MMP26: variants seen among roughly 807,000 people sequenced by gnomAD.
MMP26 encodes matrix metalloproteinase-26.
In MMP26, 33 loss-of-function variants were observed where a neutral mutation model predicts 31.0. The observed-to-expected ratio is 1.06, with a 90% CI of 0.81 to 1.42. The LOEUF (loss-of-function observed/expected upper bound fraction) is 1.42. Ranked by LOEUF, MMP26 falls within the 40% of genes most tolerant of loss-of-function variation. The pLI is 0.00. For synonymous variants in MMP26, 122 were observed against 114.9 expected, an observed-to-expected ratio of 1.06 and a Z score of -0.40; for missense variants, 347 against 316.1, an observed-to-expected ratio of 1.10 and a Z score of -0.74.
intron 2 of MMP26, among the ~76,000 whole-genome samples, chr11:4,892,911 G>T (rs978205867): frequency 6.6e-6 from 1 of 151,968 alleles, no homozygotes; most frequent in Admixed American, 6.6e-5. Context: ...TAATACATTA[G>T]GATTAATTCC....
At chr11:4,798,938 T>A (rs192799138) in intron 2 of MMP26, among the ~76,000 whole-genome samples, 2 of 152,206 alleles carry the variant, frequency 1.3e-5, no homozygotes, top group South Asian at 4.1e-4. Context: ...AGTTTGGTTC[T>A]AAGTCATGTT....
At chr11:4,845,464 C>T (rs1323508465) in intron 2 of MMP26, among the ~76,000 whole-genome samples, 1 of 151,918 alleles carries the variant, frequency 6.6e-6, no homozygotes, top group Non-Finnish European at 1.5e-5. Flanking sequence ...TAAGTGAAAA[C>T]TACTACAGAA....
rs879830295 is a variant in MMP26, at chr11:4,891,852, A to T, written c.-144-96216A>T. ...AGCAAGATTGGAGACATAGTATGTC[A>T]CAGATGAAGTGGGTTGGTACTGCCT... On this transcript the variant is annotated intron_variant, in intron 2 of 7. Transcript: ENST00000380390. Among the ~76,000 whole-genome samples the T allele has an allele frequency of 1.5e-3, 226 of 152,278 alleles. 2 individuals carry two copies. The highest frequency in any genetic ancestry group is 1.3e-3 in the Non-Finnish European group (86 of 68,010).
intron 1 of MMP26, among the ~76,000 whole-genome samples, chr11:4,730,436 G>A (rs1465614260): frequency 1.2e-4 from 18 of 152,076 alleles, no homozygotes; most frequent in Admixed American, 8.5e-4. Flanking sequence ...GAGAGCAAGC[G>A]AGCATTGAGA....
chr11:4,871,454 G>A (rs1850309178), intron 2 of MMP26, among the ~76,000 whole-genome samples: 1 of 151,998 alleles, frequency 6.6e-6, no homozygotes, highest in Non-Finnish European at 1.5e-5. Context: ...AGTGATGCAC[G>A]TTCATATAGG....
rs1847973733 is a variant in MMP26 at position 4,718,951 on chromosome 11, T to A, written c.-217+13906T>A. The A allele has an allele frequency of 1.5e-5, 3 of 197,236 alleles. No homozygotes were observed. The South Asian group carries it at 2.8e-4, about 19-fold the overall frequency. 12.2% of individuals were successfully genotyped at this position (197,236 alleles called of 1,614,324 possible). On this transcript the variant is annotated intron_variant, in intron 1 of 7. Transcript: ENST00000380390. ...TCTTCAACTCTTCACTGTCATGGAA[T>A]CTTCAGTGCTGTTGGCCATGGCTTT...
At chr11:4,821,536 G>A (rs758547070) in intron 2 of MMP26, 22 of 1,612,234 alleles carry the variant, frequency 1.4e-5, no homozygotes, top group Non-Finnish European at 1.8e-5. Flanking sequence ...CCTATATGTT[G>A]TTGCCGTCTC....
At chr11:4,921,863 A>G (rs1328583839) in intron 2 of MMP26, among the ~76,000 whole-genome samples, 2 of 152,234 alleles carry the variant, frequency 1.3e-5, no homozygotes. Context: ...AAAAATTTGT[A>G]TAATTTTAAA....
intron 2 of MMP26, among the ~76,000 whole-genome samples, chr11:4,954,130 T>A (rs1846401704): frequency 7.9e-6 from 1 of 125,902 alleles, no homozygotes; most frequent in Admixed American, 8.8e-5. Context: ...ACTCATATAT[T>A]CAGTTTGCCT....
chr11:4,923,150 C>T (rs974067872), intron 2 of MMP26, among the ~76,000 whole-genome samples: 8 of 152,142 alleles, frequency 5.3e-5, no homozygotes, highest in African/African-American at 1.9e-4. Context: ...TACAACATCC[C>T]TATGAGGAAG....
intron 2 of MMP26, chr11:4,830,365 G>A (rs757012630): frequency 3.3e-5 from 5 of 152,284 alleles, no homozygotes; most frequent in Non-Finnish European, 7.4e-5. Flanking sequence ...TATTTCATGG[G>A]TTGTTCAACC....
intron 1 of MMP26, among the ~76,000 whole-genome samples, chr11:4,754,151 T>C (rs1169135722): frequency 6.6e-6 from 1 of 151,342 alleles, no homozygotes; most frequent in Non-Finnish European, 1.5e-5. Flanking sequence ...TTTGGATAAA[T>C]TGCCAAAGTT....
intron 1 of MMP26, among the ~76,000 whole-genome samples, chr11:4,750,507 A>G (rs1255095221): frequency 2.6e-5 from 4 of 152,052 alleles, no homozygotes; most frequent in African/African-American, 7.2e-5. Context: ...ATAGTAAAAT[A>G]TGGAATAACT....
chr11:4,731,294 A>G (rs866622630), intron 1 of MMP26, among the ~76,000 whole-genome samples: 10 of 152,178 alleles, frequency 6.6e-5, no homozygotes, highest in Non-Finnish European at 8.8e-5. Context: ...ACACTGAATC[A>G]GCTTCCCCAC....
At chr11:4,979,039 G>A (rs1357519975) in intron 2 of MMP26, among the ~76,000 whole-genome samples, 1 of 152,070 alleles carries the variant, frequency 6.6e-6, no homozygotes, top group Non-Finnish European at 1.5e-5. Context: ...TGTGAGTCCT[G>A]TCACAAAATA....
chr11:4,815,512 A>T (rs2133465934), intron 2 of MMP26, among the ~76,000 whole-genome samples: 1 of 152,170 alleles, frequency 6.6e-6, no homozygotes, highest in South Asian at 2.1e-4. Context: ...TGGCTTAGTG[A>T]TTTTGGAGTC....
chr11:4,715,857 G>A (rs186155871), intron 1 of MMP26, among the ~76,000 whole-genome samples: 48 of 152,258 alleles, frequency 3.2e-4, no homozygotes, highest in African/African-American at 1.0e-3. Context: ...CCATGATTAC[G>A]TTACATTATA....
In MMP26 at chr11:4,821,592, C is replaced by T. The variant is rs377593602; in HGVS notation, c.-145+54251C>T. The T allele has an allele frequency of 6.8e-6, 11 of 1,613,746 alleles. No individual in the cohort carries two copies. In the African/African-American group the frequency reaches 1.5e-4, roughly 22 times the overall value. ...TTGTGGTCCTCTGTGAACGGAGCCTCCATAAGCCTATGTACTATTTCCTCT... is the reference window on the plus strand; with the variant it reads ...TTGTGGTCCTCTGTGAACGGAGCCTTCATAAGCCTATGTACTATTTCCTCT... On this transcript the variant is annotated intron_variant, in intron 2 of 7. Coordinates refer to ENST00000380390, the MANE Select transcript of MMP26 (RefSeq NM_021801.5).
At chr11:4,870,197 T>G (rs1292150156) in intron 2 of MMP26, among the ~76,000 whole-genome samples, 2 of 152,102 alleles carry the variant, frequency 1.3e-5, no homozygotes, top group Non-Finnish European at 2.9e-5. Flanking sequence ...GTTGTGCACT[T>G]GTACCCTGGA....
Sources: allele counts gnomAD v4.1 joint callset (sites outside exome capture counted in the v4.1 genomes callset), GRCh38; gene constraint gnomAD v4.1.1; transcripts MANE v1.5; gene names NCBI Gene and HGNC (gene_info 2026-07-23, HGNC 2026-07-21).